PLXND1: variants seen among roughly 807,000 people sequenced by gnomAD.
PLXND1 encodes plexin D1.
A neutral mutation model predicts 197.7 loss-of-function variants in PLXND1; 54 were observed. That is an observed-to-expected ratio of 0.27 (90% CI 0.22 to 0.34). The LOEUF (loss-of-function observed/expected upper bound fraction) is 0.34. Ranked by LOEUF, PLXND1 falls within the 10% of genes least tolerant of loss-of-function variation. The pLI is 1.00. For synonymous variants in PLXND1, 1,180 were observed against 1,161.2 expected (o/e 1.02, Z -0.33); for missense variants, 2,127 against 2,699.2 (o/e 0.79, Z 4.70).
At position 129,573,595 on chromosome 3, in the gene PLXND1, C is replaced by G. The variant is rs781091668; in HGVS notation, c.2836G>C (p.Glu946Gln). ...PLPDRYTVSE[E>Q]IVCVTGPAPG... ...GGTGGGGGCACCGTGGCTACTCACT[C>G]CTCCGACACCGTGTATCTGTCAGGC... The change falls in exon 13 of 36, where the codon GAG (glutamate) becomes CAG (glutamine). Residue 946 changes from glutamate to glutamine, a missense_variant and splice_region_variant. Physicochemically the swap from Glu to Gln is conservative, Grantham distance 29. This residue lies in a region of PLXND1 where 1,095 missense variants were observed against 1,259.8 expected (regional missense o/e 0.87). Transcript: ENST00000324093. 22 of 1,612,580 alleles carry G rather than the reference C, an allele frequency of 1.4e-5. No individual in the cohort carries two copies. The highest frequency in any genetic ancestry group is 1.6e-5 in the Non-Finnish European group (19 of 1,179,584).
intron 1 of PLXND1, among the ~76,000 whole-genome samples, chr3:129,596,037 T>A (rs1405753239): frequency 1.3e-5 from 2 of 151,842 alleles, no homozygotes; most frequent in Non-Finnish European, 2.9e-5. Flanking sequence ...GGAGGCACCA[T>A]CCCCTCTGAA....
intron 26 of PLXND1, 50 bp downstream of exon 26, chr3:129,563,044 G>A (rs576133076): frequency 1.7e-5 from 27 of 1,611,434 alleles, no homozygotes; most frequent in Middle Eastern, 1.8e-4. Context: ...GGTCAATGCC[G>A]TTGGCGGCGA....
chr3:129,589,320 A>G, intron 2 of PLXND1, 31 bp downstream of exon 2: 1 of 343,182 alleles, frequency 2.9e-6, no homozygotes, highest in Non-Finnish European at 5.5e-6. Flanking sequence ...TCCCACCCCC[A>G]CCCCCTCCCC....
chr3:129,573,954 C>T (rs963866716), intron 12 of PLXND1, among the ~76,000 whole-genome samples: 3 of 152,138 alleles, frequency 2.0e-5, no homozygotes, highest in Non-Finnish European at 2.9e-5. Flanking sequence ...ACTGAGCCCA[C>T]GTGGGCCTGG....
intron 12 of PLXND1, 104 bp downstream of exon 12, chr3:129,574,232 G>A (rs961029717): frequency 6.8e-6 from 7 of 1,028,118 alleles, no homozygotes; most frequent in Middle Eastern, 3.2e-4. Context: ...CCCATGTGTC[G>A]GTGTATGTGC....
At chr3:129,593,722 C>T (rs1339276650) in intron 1 of PLXND1, among the ~76,000 whole-genome samples, 1 of 152,230 alleles carries the variant, frequency 6.6e-6, no homozygotes, top group Non-Finnish European at 1.5e-5. Context: ...CTGAGGGAAA[C>T]GTATGCCTAC....
chr3:129,580,638 C>A (rs1475447597), intron 8 of PLXND1, among the ~76,000 whole-genome samples: 1 of 152,056 alleles, frequency 6.6e-6, no homozygotes, highest in Non-Finnish European at 1.5e-5. Flanking sequence ...CCACCCCACT[C>A]CCCTTAGCCA....
chr3:129,586,302 T>A (rs1314400721), intron 3 of PLXND1, 30 bp from the exon 4 acceptor site: 1 of 1,488,640 alleles, frequency 6.7e-7, no homozygotes, highest in South Asian at 1.2e-5. Flanking sequence ...CCCAGCTCAA[T>A]GGGACTGCCA....
At position 129,606,243 on chromosome 3, in the gene PLXND1, C is replaced by T. The variant is rs761086539; in HGVS notation, c.397G>A (p.Gly133Ser). The T allele has an allele frequency of 1.3e-6, 2 of 1,572,992 alleles. No homozygotes were observed. Among genetic ancestry groups the T allele is most frequent in the Non-Finnish European group, 1.7e-6 (2 of 1,164,856 alleles). ...NYNKILQLDP[G>S]QGLVVVCGSI... ...CCGCACACGACTACCAGGCCCTGGC[C>T]GGGGTCCAGCTGCAGGATCTTGTTG... The change falls in exon 1 of 36, where the codon GGC becomes AGC. Residue 133 changes from glycine to serine, a missense_variant. Physicochemically the swap from Gly to Ser is moderately conservative, Grantham distance 56. This residue lies in a region of PLXND1 where 245 missense variants were observed against 267.1 expected (regional missense o/e 0.92). Transcript: ENST00000324093.
Position 129,584,175 on chromosome 3 carries a change from AT to A in PLXND1, c.2087del (p.Asn696IlefsTer106). ...TGCGGCTGCAGTCGTAGATGGTGAA[AT>A]TGGCCTTGACGATGTTCCGCCCATT... ...RVNGRNIVKA[N>X]FTIYDCSRTA... On this transcript the variant is annotated frameshift_variant, in exon 7 of 36. Coordinates refer to ENST00000324093, the MANE Select transcript of PLXND1 (RefSeq NM_015103.3). LOFTEE classifies it high-confidence loss of function. The A allele has an allele frequency of 6.3e-7, 1 of 1,580,100 alleles. No homozygotes were observed. The highest frequency in any genetic ancestry group is 8.6e-7 in the Non-Finnish European group (1 of 1,161,484).
In PLXND1 at chr3:129,563,510, C is replaced by T. The variant is rs75950238; in HGVS notation, c.4522-270G>A. Among the ~76,000 whole-genome samples, 4,807 of 152,304 alleles carry T rather than the reference C, an allele frequency of 0.032. 372 individuals are homozygous for T. The highest frequency in any genetic ancestry group is 0.25 in the East Asian group (1,294 of 5,164). On this transcript the variant is annotated intron_variant, in intron 25 of 35. Transcript: ENST00000324093. ...ATTCTTACTGTGCAGCCAACAGTGC[C>T]GAGGCTCAGAGAGGGCAAGTGACCT...
intron 1 of PLXND1, 56 bp downstream of exon 1, chr3:129,605,273 C>T: frequency 1.6e-6 from 1 of 619,614 alleles, no homozygotes. Flanking sequence ...CCGCCCGCCC[C>T]CGCCCCCGCC....
chr3:129,589,310 T>TGCCCCCCCCCCCCCCCCCCCCCCACCC, intron 2 of PLXND1, 41 bp downstream of exon 2: 3 of 501,292 alleles, frequency 6.0e-6, no homozygotes, highest in East Asian at 5.1e-5. Context: ...CAGGGGAGCC[T>TGCCCCCCCCCCCCCCCCCCCCCCACCC]CCCACCCCCA....
At position 129,584,186 on chromosome 3, in the gene PLXND1, C is replaced by T. The variant is rs1323174632; in HGVS notation, c.2077G>A (p.Val693Ile). 4.4e-6 allele frequency: 7 copies of T among 1,584,718 alleles called. No homozygotes were observed. The highest frequency in any genetic ancestry group is 1.8e-5 in the Admixed American group (1 of 55,320). ...MSVRVNGRNI[V>I]KANFTIYDCS... ...TCGTAGATGGTGAAATTGGCCTTGACGATGTTCCGCCCATTGACCCTCACA... is the reference window on the plus strand; with the variant it reads ...TCGTAGATGGTGAAATTGGCCTTGATGATGTTCCGCCCATTGACCCTCACA... Residue 693 changes from valine to isoleucine, a missense_variant, in exon 7 of 36, where the codon GTC becomes ATC. Coordinates refer to ENST00000324093, the MANE Select transcript of PLXND1 (RefSeq NM_015103.3).
intron 20 of PLXND1, 96 bp from the exon 21 acceptor site, chr3:129,567,901 G>C (rs1259259802): frequency 6.0e-6 from 3 of 496,376 alleles, no homozygotes; most frequent in Non-Finnish European, 1.1e-5. Context: ...AGCTCCTCTG[G>C]GCAGGGTGTG....
chr3:129,591,249 G>A (rs925326287), intron 1 of PLXND1: 2 of 152,234 alleles, frequency 1.3e-5, no homozygotes, highest in African/African-American at 2.4e-5. Context: ...AAGGCACTTC[G>A]CCTCTGAGCC....
At chr3:129,583,502 CAT>C (rs2085413948) in intron 8 of PLXND1, 63 bp downstream of exon 8, 3 of 1,026,150 alleles carry the variant, frequency 2.9e-6, no homozygotes, top group East Asian at 2.5e-5. Flanking sequence ...ACATTCTCAA[CAT>C]GTGAATTTTT....
chr3:129,589,439 C>T lies in PLXND1; in HGVS notation c.1400G>A (p.Arg467His), dbSNP rs140020337. The change falls in exon 2 of 36, where the codon CGC becomes CAC. Residue 467 changes from arginine (R) to histidine (H), a missense_variant. Physicochemically the swap from Arg to His is conservative, Grantham distance 29 (BLOSUM62 0). This residue lies in a region of PLXND1 where 1,095 missense variants were observed against 1,259.8 expected (regional missense o/e 0.87). Transcript: ENST00000324093. Reference sequence around the variant, plus strand: ...GGCCACGGAGGTGAGGCCCGGGGCGCGGAACACGGGCGTGGCCTTCAGGGG... The same window carrying T: ...GGCCACGGAGGTGAGGCCCGGGGCGTGGAACACGGGCGTGGCCTTCAGGGG... ...LQPLKATPVF[R>H]APGLTSVAVA... The T allele has an allele frequency of 9.2e-5, 149 of 1,611,580 alleles. 1 individual carries two copies. The highest frequency in any genetic ancestry group is 8.0e-4 in the Middle Eastern group (4 of 4,996).
intron 1 of PLXND1, among the ~76,000 whole-genome samples, chr3:129,590,146 C>T (rs1237713879): frequency 1.3e-5 from 2 of 152,176 alleles, no homozygotes; most frequent in African/African-American, 2.4e-5. Flanking sequence ...CCTCCCCAAG[C>T]ACCTATCCCC....
Sources: allele counts gnomAD v4.1 joint callset (sites outside exome capture counted in the v4.1 genomes callset), GRCh38; gene constraint gnomAD v4.1.1; regional missense constraint gnomAD v4.1.1; transcripts MANE v1.5; gene names NCBI Gene and HGNC (gene_info 2026-07-23, HGNC 2026-07-21).